The following NRXN3 variants were observed in gnomAD, a reference collection of about 807,000 sequenced individuals.
NRXN3 encodes the protein neurexin 3.
In NRXN3, 32 loss-of-function variants were observed where a neutral mutation model predicts 137.6. That is an observed-to-expected ratio of 0.23 (90% confidence interval 0.18 to 0.31). The LOEUF (loss-of-function observed/expected upper bound fraction) is 0.31. Ranked by LOEUF, NRXN3 falls within the 10% of genes least tolerant of loss-of-function variation. The pLI, the probability that NRXN3 is intolerant of heterozygous loss-of-function variation, is 1.00. For missense variants in NRXN3, 1,574 were observed against 2,062.5 expected, an observed-to-expected ratio of 0.76 and a Z score of 4.59; for synonymous variants, 798 against 784.5, an observed-to-expected ratio of 1.02 and a Z score of -0.29.
At chr14:79,186,812 A>G (rs17108849) in intron 15 of NRXN3, among the ~76,000 whole-genome samples, 5,802 of 152,234 alleles carry the variant, frequency 0.038, 252 homozygotes, top group East Asian at 0.22. Context: ...TCCTGTATTC[A>G]AGCAGGCAAA....
chr14:79,074,196 A>G (rs1439737658), intron 15 of NRXN3, among the ~76,000 whole-genome samples: 1 of 152,230 alleles, frequency 6.6e-6, no homozygotes. Flanking sequence ...CTAGCTCTGC[A>G]GTCTTGCACA....
intron 10 of NRXN3, among the ~76,000 whole-genome samples, chr14:78,858,977 C>G (rs949238815): frequency 6.6e-6 from 1 of 152,168 alleles, no homozygotes; most frequent in South Asian, 2.1e-4. Context: ...GCTGTATCCC[C>G]CACCCAAATC....
intron 15 of NRXN3, among the ~76,000 whole-genome samples, chr14:79,028,674 C>T (rs1206239812): frequency 6.6e-6 from 1 of 152,078 alleles, no homozygotes; most frequent in African/African-American, 2.4e-5. Flanking sequence ...TAAATAATTT[C>T]CAGGTTTCTA....
chr14:79,776,890 G>C (rs769632668), intron 19 of NRXN3, among the ~76,000 whole-genome samples: 1 of 152,162 alleles, frequency 6.6e-6, no homozygotes, highest in Non-Finnish European at 1.5e-5. Context: ...AATTGATTTG[G>C]TTGTTCATCT....
chr14:79,096,557 C>T (rs1438784535), intron 15 of NRXN3, among the ~76,000 whole-genome samples: 1 of 152,026 alleles, frequency 6.6e-6, no homozygotes, highest in East Asian at 1.9e-4. Context: ...TGGCTCCTTC[C>T]CTGTAGAATT....
intron 2 of NRXN3, among the ~76,000 whole-genome samples, chr14:78,265,873 A>G (rs1262657331): frequency 6.6e-6 from 1 of 152,130 alleles, no homozygotes; most frequent in Non-Finnish European, 1.5e-5. Context: ...TGCTTGTCTG[A>G]TTATTTGTGG....
intron 15 of NRXN3, among the ~76,000 whole-genome samples, chr14:79,166,237 G>A (rs1315199011): frequency 6.6e-6 from 1 of 151,944 alleles, no homozygotes; most frequent in Non-Finnish European, 1.5e-5. Flanking sequence ...ACACTGCCTA[G>A]AATTCTGGAG....
At chr14:78,391,666 T>G (rs989828588) in intron 4 of NRXN3, among the ~76,000 whole-genome samples, 2 of 152,122 alleles carry the variant, frequency 1.3e-5, no homozygotes, top group East Asian at 3.9e-4. Flanking sequence ...CAGGAACACC[T>G]AAAAAGTTGC....
At position 78,227,569 on chromosome 14, in the gene NRXN3, T is replaced by G. The variant is rs187193679; in HGVS notation, c.-703-14822T>G. On this transcript the variant is annotated intron_variant, in intron 1 of 20. Transcript: ENST00000335750. ...CAGGAAGCTTTGCTGGCTCACTGAC[T>G]TTGCACACCCACTAGCCTAGGGCTC... Among the ~76,000 whole-genome samples, 247 of 152,284 alleles carry G rather than the reference T, an allele frequency of 1.6e-3. 1 individual carries two copies. Among genetic ancestry groups the G allele is most frequent in the Non-Finnish European group, 2.4e-3 (165 of 68,012 alleles).
At chr14:79,149,435 A>G (rs1392124623) in intron 15 of NRXN3, among the ~76,000 whole-genome samples, 1 of 152,050 alleles carries the variant, frequency 6.6e-6, no homozygotes, top group East Asian at 1.9e-4. Context: ...AAGAAAATTG[A>G]TTGAAAGCAT....
chr14:79,841,994 T>G (rs1419754913), intron 20 of NRXN3, among the ~76,000 whole-genome samples: 3 of 152,220 alleles, frequency 2.0e-5, no homozygotes, highest in Admixed American at 6.5e-5. Context: ...CACTGCCTTG[T>G]GTGGGCAAAG....
chr14:78,547,632 A>T (rs1337009080), intron 4 of NRXN3, among the ~76,000 whole-genome samples: 1 of 151,976 alleles, frequency 6.6e-6, no homozygotes, highest in African/African-American at 2.4e-5. Context: ...CTCTTCATTC[A>T]GAAATTAATT....
chr14:79,410,395 C>T (rs569769119), intron 15 of NRXN3, among the ~76,000 whole-genome samples: 9 of 151,816 alleles, frequency 5.9e-5, no homozygotes, highest in East Asian at 1.9e-4. Flanking sequence ...GGGCTTCTTT[C>T]GTGTGTTCGT....
At chr14:78,538,152 G>A (rs2096554348) in intron 4 of NRXN3, among the ~76,000 whole-genome samples, 1 of 151,952 alleles carries the variant, frequency 6.6e-6, no homozygotes, top group South Asian at 2.1e-4. Context: ...GTGAAGAAAG[G>A]GTCATTGGTA....
chr14:78,958,338 C>G (rs1259951822), intron 11 of NRXN3, among the ~76,000 whole-genome samples: 5 of 151,164 alleles, frequency 3.3e-5, no homozygotes, highest in Non-Finnish European at 7.4e-5. Flanking sequence ...ATTTTACATG[C>G]TATATCTTTT....
At chr14:79,190,307 T>G (rs936155553) in intron 15 of NRXN3, among the ~76,000 whole-genome samples, 4 of 152,186 alleles carry the variant, frequency 2.6e-5, no homozygotes, top group Admixed American at 2.6e-4. Flanking sequence ...CTTTTTGCTT[T>G]CTTTCTTCCC....
At chr14:78,830,421 T>G (rs2098978428) in intron 10 of NRXN3, among the ~76,000 whole-genome samples, 1 of 152,194 alleles carries the variant, frequency 6.6e-6, no homozygotes, top group African/African-American at 2.4e-5. Context: ...GATGTCTAAA[T>G]GCAGCATCTC....
At chr14:79,001,129 C>T (rs1049294051) in intron 15 of NRXN3, among the ~76,000 whole-genome samples, 2 of 152,026 alleles carry the variant, frequency 1.3e-5, no homozygotes, top group Non-Finnish European at 2.9e-5. Context: ...CTTTTGGTGG[C>T]GGATTCTGCC....
At chr14:78,491,464 G>C (rs902980400) in intron 4 of NRXN3, among the ~76,000 whole-genome samples, 2 of 152,182 alleles carry the variant, frequency 1.3e-5, no homozygotes, top group Admixed American at 1.3e-4. Flanking sequence ...AGACAAGCAA[G>C]CCTCCCAGGA....
Sources: gnomAD v4.1 joint callset for allele counts (sites outside exome capture counted in the v4.1 genomes callset) on GRCh38, gnomAD v4.1.1 for gene constraint, MANE v1.5 for transcripts, NCBI Gene and HGNC (gene_info 2026-07-23, HGNC 2026-07-21) for gene names.